Variants in APBA1 observed in about 807,000 individuals in gnomAD.
APBA1 encodes the protein amyloid-beta A4 precursor protein-binding family A member 1.
In APBA1, 55 loss-of-function variants were observed where a neutral mutation model predicts 86.6. The ratio of observed to expected loss-of-function variants is 0.64; its 90% CI spans 0.51 to 0.80. APBA1 has a LOEUF of 0.80. Ranked by LOEUF, APBA1 falls within the 30% of genes least tolerant of loss-of-function variation. The probability of loss-of-function intolerance (pLI) is 0.00; values close to 1 mark genes in which losing one functional copy is unlikely to be tolerated. For synonymous variants in APBA1, 511 were observed against 493.9 expected, an observed-to-expected ratio of 1.03 and a Z score of -0.46; for missense variants, 1,090 against 1,183.0, an observed-to-expected ratio of 0.92 and a Z score of 1.15.
chr9:69,431,659 C>A (rs896718885), intron 12 of APBA1, among the ~76,000 whole-genome samples: 61 of 152,250 alleles, frequency 4.0e-4, no homozygotes, highest in African/African-American at 1.4e-3. Context: ...AATGCTCTCG[C>A]TCTCACCAGA....
intron 1 of APBA1, among the ~76,000 whole-genome samples, chr9:69,557,107 A>G (rs1219588066): frequency 6.6e-6 from 1 of 152,236 alleles, no homozygotes; most frequent in African/African-American, 2.4e-5. Context: ...AGAATATTGT[A>G]TCCACGATCA....
intron 1 of APBA1, among the ~76,000 whole-genome samples, chr9:69,599,887 G>C (rs1822312983): frequency 6.6e-6 from 1 of 152,202 alleles, no homozygotes; most frequent in Non-Finnish European, 1.5e-5. Flanking sequence ...GCCAAAGTAA[G>C]TTTCTTTCTG....
chr9:69,515,914 C>T, intron 2 of APBA1, 97 bp downstream of exon 2: 1 of 1,326,770 alleles, frequency 7.5e-7, no homozygotes, highest in East Asian at 2.6e-5. Context: ...CAGACTACTT[C>T]CCGTAAAGTC....
At chr9:69,644,310 CT>C (rs1365374635) in intron 1 of APBA1, among the ~76,000 whole-genome samples, 1 of 152,100 alleles carries the variant, frequency 6.6e-6, no homozygotes, top group Non-Finnish European at 1.5e-5. Context: ...TTTTACATGT[CT>C]ACTAATTGAA....
At chr9:69,593,754 G>A (rs978629504) in intron 1 of APBA1, among the ~76,000 whole-genome samples, 2 of 152,194 alleles carry the variant, frequency 1.3e-5, no homozygotes, top group African/African-American at 4.8e-5. Context: ...AAGTAGATAA[G>A]AGGTCCAGGA....
Position 69,656,125 on chromosome 9 carries a change from T to G in APBA1, c.-70+16028A>C, listed in dbSNP as rs567052757. Among the ~76,000 whole-genome samples the G allele has an allele frequency of 3.9e-5, 6 of 152,336 alleles. No individual in the cohort carries two copies. In the East Asian group the frequency reaches 1.2e-3, roughly 29 times the overall value. ...GCTAAACAAATGGTAGGAAACCAGGTGCTATCACCAACGTGGAACCAACTA... is the reference window on the plus strand; with the variant it reads ...GCTAAACAAATGGTAGGAAACCAGGGGCTATCACCAACGTGGAACCAACTA... On this transcript the variant is annotated intron_variant, in intron 1 of 12. Coordinates refer to ENST00000265381, the MANE Select transcript of APBA1 (RefSeq NM_001163.4).
chr9:69,667,232 G>A (rs941490707), intron 1 of APBA1, among the ~76,000 whole-genome samples: 1 of 152,032 alleles, frequency 6.6e-6, no homozygotes, highest in Non-Finnish European at 1.5e-5. Flanking sequence ...TGCATTTAAG[G>A]GAATGAAGAA....
chr9:69,501,922 C>T (rs1292793480), intron 2 of APBA1, among the ~76,000 whole-genome samples: 3 of 152,084 alleles, frequency 2.0e-5, no homozygotes, highest in Admixed American at 6.5e-5. Context: ...GTCAGACACC[C>T]GAACTGTGGC....
At chr9:69,556,967 A>G (rs556287450) in intron 1 of APBA1, among the ~76,000 whole-genome samples, 8 of 152,318 alleles carry the variant, frequency 5.3e-5, no homozygotes, top group African/African-American at 1.7e-4. Context: ...AGCTGCCTCT[A>G]GAATTTCTAG....
At chr9:69,621,238 T>A (rs1822812468) in intron 1 of APBA1, among the ~76,000 whole-genome samples, 2 of 152,202 alleles carry the variant, frequency 1.3e-5, no homozygotes, top group African/African-American at 4.8e-5. Context: ...CCAGTGGGAT[T>A]TCTTAAAGTG....
chr9:69,595,462 G>A (rs1054050566), intron 1 of APBA1, among the ~76,000 whole-genome samples: 3 of 152,104 alleles, frequency 2.0e-5, no homozygotes, highest in Non-Finnish European at 2.9e-5. Context: ...CCATGGCTTC[G>A]GACTATGTCA....
chr9:69,641,270 G>T (rs1005190131), intron 1 of APBA1, among the ~76,000 whole-genome samples: 1 of 152,104 alleles, frequency 6.6e-6, no homozygotes, highest in Non-Finnish European at 1.5e-5. Flanking sequence ...TAAAGAAATG[G>T]AAAGATATAC....
At chr9:69,434,694 G>C (rs147754793) in intron 11 of APBA1, among the ~76,000 whole-genome samples, 1 of 147,428 alleles carries the variant, frequency 6.8e-6, no homozygotes, top group African/African-American at 2.6e-5. Flanking sequence ...ATGACAGAGC[G>C]AGACTCCATC....
intron 3 of APBA1, among the ~76,000 whole-genome samples, chr9:69,475,301 G>A (rs1835425675): frequency 1.3e-5 from 2 of 152,206 alleles, no homozygotes; most frequent in South Asian, 2.1e-4. Context: ...GCAGCCACAC[G>A]TGGCTATTTA....
chr9:69,672,435 G>C (rs1193341257), upstream of APBA1: 3 of 149,576 alleles, frequency 2.0e-5, no homozygotes, highest in Non-Finnish European at 3.0e-5. Flanking sequence ...CCCTCGTGAC[G>C]CGCGCTGGGG....
intron 1 of APBA1, among the ~76,000 whole-genome samples, chr9:69,597,584 G>A (rs960719681): frequency 2.0e-5 from 3 of 152,144 alleles, no homozygotes; most frequent in African/African-American, 7.2e-5. Context: ...TGAAGTCCTT[G>A]CCCATGCCTA....
At chr9:69,495,545 G>A (rs1835780758) in intron 2 of APBA1, among the ~76,000 whole-genome samples, 1 of 152,020 alleles carries the variant, frequency 6.6e-6, no homozygotes, top group Admixed American at 6.5e-5. Flanking sequence ...CTCCCAGGGT[G>A]TCCGACCCTC....
intron 10 of APBA1, among the ~76,000 whole-genome samples, chr9:69,449,261 C>A (rs1409873169): frequency 6.6e-6 from 1 of 152,124 alleles, no homozygotes; most frequent in African/African-American, 2.4e-5. Flanking sequence ...CAAGCTGAGG[C>A]CATTTCTGTT....
chr9:69,621,455 C>T (rs1452539160), intron 1 of APBA1, among the ~76,000 whole-genome samples: 3 of 152,108 alleles, frequency 2.0e-5, no homozygotes, highest in East Asian at 3.9e-4. Flanking sequence ...GCATAAAAGC[C>T]AATGACAACT....
Sources: gnomAD v4.1 joint callset for allele counts (sites outside exome capture counted in the v4.1 genomes callset) on GRCh38, gnomAD v4.1.1 for gene constraint, MANE v1.5 for transcripts, NCBI Gene and HGNC (gene_info 2026-07-23, HGNC 2026-07-21) for gene names.